Variants in PANK2 observed in about 807,000 individuals in gnomAD.
PANK2 encodes pantothenate kinase 2, mitochondrial.
In PANK2, 36 loss-of-function variants were observed where a neutral mutation model predicts 43.1. That is an observed-to-expected ratio of 0.84 (90% CI 0.64 to 1.10). The LOEUF (loss-of-function observed/expected upper bound fraction) is 1.10. Among genes scored for constraint, PANK2 ranks in the 50% least tolerant of loss-of-function variants. PANK2 has a pLI of 0.00. For missense variants in PANK2, 576 were observed against 593.3 expected (o/e 0.97, Z 0.30); for synonymous variants, 281 against 238.2 (o/e 1.18, Z -1.66).
Position 3,889,484 on chromosome 20 carries a change from G to C in PANK2, c.54G>C (p.Arg18=), listed in dbSNP as rs930563925. The C allele has an allele frequency of 1.3e-5, 20 of 1,487,720 alleles. No homozygotes were observed. The highest frequency in any genetic ancestry group is 4.3e-5 in the African/African-American group (3 of 69,310). 92.2% of individuals were successfully genotyped at this position (1,487,720 alleles called of 1,614,324 possible). The stretch of plus-strand genomic sequence containing the variant: ...TGCTGCTGCGGATGGGAGGGGGCCG[G>C]CTCGGCGCGCCCATGGAGCGCCACG... The change falls in exon 1 of 7, where the codon CGG becomes CGC. Residue 18 remains arginine (R), a synonymous_variant. Coordinates refer to ENST00000610179, the MANE Select transcript of PANK2 (RefSeq NM_001386393.1).
At chr20:3,912,685 C>T (rs776417458) in intron 4 of PANK2, 51 bp downstream of exon 4, 2 of 1,602,306 alleles carry the variant, frequency 1.2e-6, no homozygotes, top group Non-Finnish European at 1.7e-6. Context: ...GGCGCGGTGG[C>T]TCATGCCTTT....
intron 2 of PANK2, among the ~76,000 whole-genome samples, chr20:3,909,775 G>C (rs1390271192): frequency 1.3e-5 from 2 of 151,066 alleles, no homozygotes; most frequent in African/African-American, 2.4e-5. Context: ...TTTATCTTTA[G>C]TAGAGACTGG....
At chr20:3,918,519 C>T in intron 5 of PANK2, 152 bp from the exon 6 acceptor site, 2 of 990,810 alleles carry the variant, frequency 2.0e-6, no homozygotes, top group Non-Finnish European at 1.6e-6. Flanking sequence ...GTCTGGGGAT[C>T]AAGTTTAAGT....
At chr20:3,912,701 C>G (rs1411342691) in intron 4 of PANK2, 67 bp downstream of exon 4, 8 of 1,572,116 alleles carry the variant, frequency 5.1e-6, no homozygotes, top group Admixed American at 1.7e-5. Context: ...CCTTTAATCC[C>G]AAAACTTTGA....
At chr20:3,915,628 A>G (rs6037692) in intron 4 of PANK2, among the ~76,000 whole-genome samples, 72,785 of 151,956 alleles carry the variant, frequency 0.48, 18,304 homozygotes, top group Admixed American at 0.61. Flanking sequence ...CTTATATTTG[A>G]TCCATTTTGA....
chr20:3,901,616 A>G (rs1315978354), intron 1 of PANK2: 8 of 980,798 alleles, frequency 8.2e-6, no homozygotes, highest in African/African-American at 1.8e-5. Context: ...TGTCGAAATC[A>G]TGTAAGTATT....
intron 6 of PANK2, among the ~76,000 whole-genome samples, chr20:3,919,234 A>C (rs1422819088): frequency 1.3e-5 from 2 of 152,168 alleles, no homozygotes; most frequent in Non-Finnish European, 2.9e-5. Context: ...TTAATTTCGT[A>C]ACATTTGAAA....
rs1407574036 is a variant in PANK2, at chr20:3,889,487, C to A, written c.57C>A (p.Leu19=). The A allele has an allele frequency of 6.7e-7, 1 of 1,485,872 alleles. No homozygotes were observed. The highest frequency in any genetic ancestry group is 8.9e-7 in the Non-Finnish European group (1 of 1,127,476). The allele number at this position is 1,485,872 out of a possible 1,614,324, so 92.0% of individuals were successfully genotyped here. ...TGCTGCGGATGGGAGGGGGCCGGCT[C>A]GGCGCGCCCATGGAGCGCCACGGCA... The change falls in exon 1 of 7, where the codon CTC becomes CTA. Residue 19 remains leucine, a synonymous_variant. Coordinates refer to ENST00000610179, the MANE Select transcript of PANK2 (RefSeq NM_001386393.1).
In PANK2 at chr20:3,910,848, C is replaced by T. The variant is rs2146867647; in HGVS notation, c.905+18C>T. On this transcript the variant is annotated intron_variant, in intron 3 of 6. Coordinates refer to ENST00000610179, the MANE Select transcript of PANK2 (RefSeq NM_001386393.1). ...GGTACTAGGTAAGTTGTATATAAAA[C>T]TCACTGTTTATTCTTAGTATCCTAA... The T allele has an allele frequency of 6.2e-7, 1 of 1,613,792 alleles. No individual in the cohort carries two copies. The highest frequency in any genetic ancestry group is 1.7e-5 in the Admixed American group (1 of 60,014).
chr20:3,913,983 G>GA (rs1568577811), intron 4 of PANK2, among the ~76,000 whole-genome samples: 3 of 151,714 alleles, frequency 2.0e-5, no homozygotes, highest in Non-Finnish European at 4.4e-5. Flanking sequence ...CAGAGATGGG[G>GA]TTTCACTATG....
chr20:3,901,574 C>A, intron 1 of PANK2: 1 of 977,602 alleles, frequency 1.0e-6, no homozygotes, highest in Non-Finnish European at 1.2e-6. Flanking sequence ...CTTTCATTTC[C>A]TTCTCCCTTC....
At chr20:3,890,354 G>A (rs774135326) in intron 1 of PANK2, among the ~76,000 whole-genome samples, 1 of 152,122 alleles carries the variant, frequency 6.6e-6, no homozygotes, top group Non-Finnish European at 1.5e-5. Context: ...GGCATTCTGG[G>A]CATTAAGGCT....
chr20:3,888,947 G>T, upstream of PANK2: 18 of 580,412 alleles, frequency 3.1e-5, no homozygotes, highest in South Asian at 1.6e-4. Flanking sequence ...ACGACCAGCG[G>T]CCAGACGCTG....
chr20:3,910,487 T>G (rs1170210921), intron 2 of PANK2, 90 bp from the exon 3 acceptor site: 48 of 1,421,356 alleles, frequency 3.4e-5, no homozygotes, highest in East Asian at 1.8e-4. Context: ...CTTTCATGGT[T>G]GTTTCACGTA....
chr20:3,920,863 A>G (rs1343787019), intron 6 of PANK2, among the ~76,000 whole-genome samples: 1 of 152,030 alleles, frequency 6.6e-6, no homozygotes, highest in Non-Finnish European at 1.5e-5. Context: ...AAAACAAAAC[A>G]CCAAACCGAT....
chr20:3,929,243 T>A lies in PANK2; in HGVS notation c.*5949T>A, dbSNP rs1038279535. 1 of 152,198 alleles carries A rather than the reference T, an allele frequency of 6.6e-6. No homozygotes were observed. Among genetic ancestry groups the A allele is most frequent in the African/African-American group, 2.4e-5 (1 of 41,424 alleles). 9.4% of individuals were successfully genotyped at this position (152,198 alleles called of 1,614,324 possible). On this transcript the variant is annotated 3_prime_UTR_variant, in exon 7 of 7. Transcript: ENST00000610179. The stretch of plus-strand genomic sequence containing the variant: ...GTTGAGACCTGTCTCTACAAAAAAA[T>A]AATTACGAAAATTAGCCAGGTGTGC...
rs959588425 is a variant in PANK2, at chr20:3,926,513, A to G, written c.*3219A>G. 4.6e-5 allele frequency: 7 copies of G among 152,294 alleles called. No individual in the cohort carries two copies. The highest frequency in any genetic ancestry group is 1.9e-4 in the East Asian group (1 of 5,206). 9.4% of individuals were successfully genotyped at this position (152,294 alleles called of 1,614,324 possible). A position where few individuals can be genotyped will look rare whatever the true frequency, so the allele number is the denominator to read the frequency against. On this transcript the variant is annotated 3_prime_UTR_variant, in exon 7 of 7. Transcript: ENST00000610179. ...GTGAGGGGTGGTGAGGAGAGCAGCA[A>G]CGGCCACACAGGAAGGCTTTGGACG... is the stretch of plus-strand genomic sequence containing the variant.
At position 3,914,104 on chromosome 20, in the gene PANK2, A is replaced by G. The variant is rs538010791; in HGVS notation, c.1082+1470A>G. 4.6e-5 allele frequency among the ~76,000 whole-genome samples: 7 copies of G among 150,706 alleles called. No individual in the cohort carries two copies. In the Admixed American group the frequency reaches 4.6e-4, roughly 10 times the overall value. ...GCGCCTGGCCTGCACATATATTTCT[A>G]ATTCTATTGGGTATATACCTGAGAG... On this transcript the variant is annotated intron_variant, in intron 4 of 6. Transcript: ENST00000610179.
At position 3,912,573 on chromosome 20, in the gene PANK2, C is replaced by T. The variant is rs1250997630; in HGVS notation, c.1021C>T (p.Arg341Ter). The T allele has an allele frequency of 1.3e-5, 21 of 1,613,848 alleles. No homozygotes were observed. Among genetic ancestry groups the T allele is most frequent in the South Asian group, 6.6e-5 (6 of 91,076 alleles). Residue 341 changes from arginine to a stop codon, truncating the protein, a stop_gained, in exon 4 of 7, where the codon CGA (arginine) becomes TGA (stop). Coordinates refer to ENST00000610179, the MANE Select transcript of PANK2 (RefSeq NM_001386393.1). LOFTEE classifies it high-confidence loss of function. ...TAGCACCAAAGTGGATAAACTAGTA[C>T]GAGATATTTATGGAGGGGACTATGA...
Sources: gnomAD v4.1 joint callset for allele counts (sites outside exome capture counted in the v4.1 genomes callset) on GRCh38, gnomAD v4.1.1 for gene constraint, MANE v1.5 for transcripts, NCBI Gene and HGNC (gene_info 2026-07-23, HGNC 2026-07-21) for gene names.